GLIS3: variants seen among roughly 807,000 people sequenced by gnomAD.
GLIS3 encodes the protein zinc finger protein GLIS3.
GLIS3 carries 53 observed loss-of-function variants against 78.6 expected under a neutral mutation model. That is an observed-to-expected ratio of 0.67 (90% CI 0.54 to 0.85). GLIS3 has a LOEUF of 0.85. Ranked by LOEUF, GLIS3 falls within the 40% of genes least tolerant of loss-of-function variation. GLIS3 has a pLI of 0.00. For synonymous variants in GLIS3, 684 were observed against 509.9 expected, an observed-to-expected ratio of 1.34 and a Z score of -4.60; for missense variants, 1,703 against 1,231.1, an observed-to-expected ratio of 1.38 and a Z score of -5.74.
At chr9:4,218,636 C>T (rs1274993164) in intron 2 of GLIS3, among the ~76,000 whole-genome samples, 1 of 152,134 alleles carries the variant, frequency 6.6e-6, no homozygotes, top group Non-Finnish European at 1.5e-5. Context: ...TGGTAGATAC[C>T]ACCCACATGT....
intron 9 of GLIS3, among the ~76,000 whole-genome samples, chr9:3,835,990 C>A (rs1380092359): frequency 3.3e-5 from 5 of 152,092 alleles, no homozygotes; most frequent in Non-Finnish European, 7.3e-5. Flanking sequence ...AGAAAATTTT[C>A]TTTACGGGAT....
At chr9:4,366,254 T>G in the GLIS3 span, among the ~76,000 whole-genome samples, 1 of 152,240 alleles carries the variant, frequency 6.6e-6, no homozygotes, top group Non-Finnish European at 1.5e-5. Flanking sequence ...TAGATTTTAC[T>G]TTGATCATAT....
the GLIS3 span, among the ~76,000 whole-genome samples, chr9:4,409,264 T>C: frequency 6.6e-6 from 1 of 152,220 alleles, no homozygotes; most frequent in Non-Finnish European, 1.5e-5. Flanking sequence ...TCTTTTAAAC[T>C]GGATTCTGAT....
intron 2 of GLIS3, among the ~76,000 whole-genome samples, chr9:4,193,629 C>A (rs1217142455): frequency 5.9e-5 from 9 of 152,162 alleles, no homozygotes; most frequent in Non-Finnish European, 1.3e-4. Context: ...GCTGTGGGAA[C>A]AGAGGTGATG....
chr9:3,994,264 A>G (rs1414694857), intron 4 of GLIS3, among the ~76,000 whole-genome samples: 2 of 152,194 alleles, frequency 1.3e-5, no homozygotes, highest in Non-Finnish European at 2.9e-5. Context: ...TACCCTTTAC[A>G]TTGAAAAATA....
chr9:4,338,146 C>T (rs1465489280), intron 2 of GLIS3, among the ~76,000 whole-genome samples: 9 of 151,962 alleles, frequency 5.9e-5, no homozygotes, highest in South Asian at 2.1e-4. Context: ...CTAATCCTAT[C>T]GCTTCTCCTG....
intron 2 of GLIS3, among the ~76,000 whole-genome samples, chr9:4,215,106 A>C (rs1343641440): frequency 6.6e-6 from 1 of 152,192 alleles, no homozygotes. Context: ...AAGAAGGGAG[A>C]TTGGAAATGC....
At chr9:4,156,118 G>A (rs1002583827) in intron 2 of GLIS3, among the ~76,000 whole-genome samples, 1 of 151,918 alleles carries the variant, frequency 6.6e-6, no homozygotes, top group African/African-American at 2.4e-5. Flanking sequence ...CACCTCTTGT[G>A]TGGCCATTCC....
the GLIS3 span, among the ~76,000 whole-genome samples, chr9:4,427,585 G>A: frequency 2.6e-5 from 4 of 152,144 alleles, no homozygotes; most frequent in South Asian, 2.1e-4. Flanking sequence ...GTGGCTGGGC[G>A]CAGTGGCTCA....
At chr9:4,229,806 C>T (rs1822097905) in intron 2 of GLIS3, among the ~76,000 whole-genome samples, 1 of 152,218 alleles carries the variant, frequency 6.6e-6, no homozygotes, top group Admixed American at 6.5e-5. Context: ...CACATCACAT[C>T]AAATGTCACA....
At chr9:3,858,315 A>G (rs951892825) in intron 8 of GLIS3, among the ~76,000 whole-genome samples, 1 of 152,210 alleles carries the variant, frequency 6.6e-6, no homozygotes, top group Non-Finnish European at 1.5e-5. Context: ...ATGATTCTAT[A>G]TAATTATATG....
rs75300417 is a variant in GLIS3, at chr9:3,939,894, T to G, written c.1711-2705A>C. On this transcript the variant is annotated intron_variant, in intron 4 of 10. Transcript: ENST00000381971. Reference sequence around the variant, plus strand: ...GTAAAATCAGGCACTAAAGGATTGATAAATGCCTTGGTGAGGTGCCAAATA... The same window carrying G: ...GTAAAATCAGGCACTAAAGGATTGAGAAATGCCTTGGTGAGGTGCCAAATA... Among the ~76,000 whole-genome samples the G allele has an allele frequency of 5.2e-3, 795 of 152,324 alleles. 8 individuals carry two copies. Among genetic ancestry groups the G allele is most frequent in the African/African-American group, 0.018 (769 of 41,588 alleles).
At chr9:4,467,753 G>C in the GLIS3 span, among the ~76,000 whole-genome samples, 3 of 152,220 alleles carry the variant, frequency 2.0e-5, no homozygotes, top group African/African-American at 7.2e-5. Context: ...ACAGCTCCTC[G>C]CCATCAATGG....
the GLIS3 span, among the ~76,000 whole-genome samples, chr9:4,454,020 A>T: frequency 3.9e-5 from 6 of 152,070 alleles, no homozygotes; most frequent in South Asian, 2.1e-4. Flanking sequence ...AATAAATTTT[A>T]AAAAAAGAAA....
the GLIS3 span, among the ~76,000 whole-genome samples, chr9:4,380,432 T>C: frequency 6.6e-6 from 1 of 152,236 alleles, no homozygotes; most frequent in Admixed American, 6.5e-5. Flanking sequence ...CAACAGAGTA[T>C]TGTTAACAAC....
At chr9:4,134,294 A>C (rs1160631067) in intron 2 of GLIS3, among the ~76,000 whole-genome samples, 1 of 152,190 alleles carries the variant, frequency 6.6e-6, no homozygotes, top group Non-Finnish European at 1.5e-5. Flanking sequence ...TAAGCACCTA[A>C]CTATCCCTAA....
At chr9:4,055,054 C>A (rs1328310470) in intron 4 of GLIS3, among the ~76,000 whole-genome samples, 2 of 152,100 alleles carry the variant, frequency 1.3e-5, no homozygotes, top group Non-Finnish European at 2.9e-5. Flanking sequence ...GTATTTTCCT[C>A]TTTTCCTTGT....
In GLIS3 at chr9:3,845,884, C is replaced by T. The variant is rs373959896; in HGVS notation, c.2473+10125G>A. ...ATGGCTAAAAGCACAACTCTGGAGT[C>T]AGATGGTCCTGGGTGCAATTTCCAG... On this transcript the variant is annotated intron_variant, in intron 9 of 10. Transcript: ENST00000381971. Among the ~76,000 whole-genome samples, 90 of 152,310 alleles carry T rather than the reference C, an allele frequency of 5.9e-4. 1 individual carries two copies. Among genetic ancestry groups the T allele is most frequent in the African/African-American group, 2.1e-3 (88 of 41,552 alleles).
At chr9:4,356,427 G>A in the GLIS3 span, among the ~76,000 whole-genome samples, 2 of 152,198 alleles carry the variant, frequency 1.3e-5, no homozygotes, top group South Asian at 4.1e-4. Flanking sequence ...TCTGGCCTCA[G>A]AAAAGTTGTA....
Sources: allele counts gnomAD v4.1 joint callset (sites outside exome capture counted in the v4.1 genomes callset), GRCh38; gene constraint gnomAD v4.1.1; transcripts MANE v1.5; gene names NCBI Gene and HGNC (gene_info 2026-07-23, HGNC 2026-07-21).